The following TNXB variants were observed in gnomAD, a reference collection of about 807,000 sequenced individuals.
TNXB encodes tenascin XB.
TNXB carries 183 observed loss-of-function variants against 340.5 expected under a neutral mutation model. That is an observed-to-expected ratio of 0.54 (90% CI 0.48 to 0.61). TNXB has a LOEUF of 0.61. TNXB is among the 20% of genes least tolerant of loss of function. The pLI, the probability that TNXB is intolerant of heterozygous loss-of-function variation, is 0.00. For synonymous variants in TNXB, 2,121 were observed against 2,314.5 expected (o/e 0.92, Z 2.40); for missense variants, 4,613 against 5,446.4 (o/e 0.85, Z 4.82).
At chr6:32,065,682 C>T (rs111700384) in intron 18 of TNXB, among the ~76,000 whole-genome samples, 193 of 152,202 alleles carry the variant, frequency 1.3e-3, no homozygotes, top group African/African-American at 4.5e-3. Flanking sequence ...TGCAGTGGCG[C>T]GATCTTGGCT....
In TNXB at chr6:32,062,170, G is replaced by A. The variant is rs762069957; in HGVS notation, c.7155C>T (p.Ala2385=). Reference sequence around the variant, plus strand: ...TCGTCCACTCACCTGTCACCCCGATGGCAGACACGGGGCCCACACGCTGGC... The same window carrying A: ...TCGTCCACTCACCTGTCACCCCGATAGCAGACACGGGGCCCACACGCTGGC... The part of the protein sequence containing the change: ...HGGQRVGPVS[A]IGVTAAEEET... Residue 2385 remains alanine (A), a synonymous_variant, in exon 20 of 44, where the codon GCC becomes GCT. Transcript: ENST00000644971. The surrounding 1 kb of genome is among the most constrained non-coding windows in gnomAD (Gnocchi z 4.3). The A allele has an allele frequency of 1.9e-6, 3 of 1,610,802 alleles. No homozygotes were observed. Among genetic ancestry groups the A allele is most frequent in the East Asian group, 2.2e-5 (1 of 44,840 alleles).
chr6:32,103,975 C>T (rs1780853428), intron 1 of TNXB, among the ~76,000 whole-genome samples: 1 of 152,078 alleles, frequency 6.6e-6, no homozygotes, highest in Non-Finnish European at 1.5e-5. Context: ...AGGTGATCTG[C>T]CCACCTCGGC....
At position 32,074,475 on chromosome 6, in the gene TNXB, A is replaced by G. The variant is rs1396629191; in HGVS notation, c.4376-523T>C. ...GAGAAGAGTATCAACCATCACTGACACCCTGGGAGAGCGCTGAAATTCCAT... is the reference window on the plus strand; with the variant it reads ...GAGAAGAGTATCAACCATCACTGACGCCCTGGGAGAGCGCTGAAATTCCAT... On this transcript the variant is annotated intron_variant, in intron 11 of 43. Transcript: ENST00000644971. The surrounding 1 kb of genome is among the most constrained non-coding windows in gnomAD (Gnocchi z 5.5). 6.6e-6 allele frequency among the ~76,000 whole-genome samples: 1 copy of G among 151,982 alleles called. No homozygotes were observed. Among genetic ancestry groups the G allele is most frequent in the East Asian group, 1.9e-4 (1 of 5,180 alleles).
In TNXB at chr6:32,068,772, C is replaced by G; in HGVS notation, c.5902+50G>C. ...GGTATCCGCGGGACTCTGCTGTCCT[C>G]TGGACTCTCCCAGCCATCTGAAAGG... On this transcript the variant is annotated intron_variant, in intron 16 of 43. Transcript: ENST00000644971. The surrounding 1 kb of genome is among the most constrained non-coding windows in gnomAD (Gnocchi z 5.3). 1.3e-6 allele frequency: 2 copies of G among 1,593,332 alleles called. No individual in the cohort carries two copies. Among genetic ancestry groups the G allele is most frequent in the African/African-American group, 2.7e-5 (2 of 74,704 alleles).
At chr6:32,048,337 G>T (rs371046648) in intron 29 of TNXB, 26 bp downstream of exon 29, 4 of 1,472,760 alleles carry the variant, frequency 2.7e-6, no homozygotes, top group African/African-American at 1.4e-5. Flanking sequence ...GGCTCTGGCC[G>T]CGGGAGGCCT....
In TNXB at chr6:32,089,350, T is replaced by C. The variant is rs1779975555; in HGVS notation, c.2388A>G (p.Ala796=). ...AGGCTGAGGCAGAGCTTGGAACCCGTGCTGTGAATGGGGGGCTCGCCCCCT... is the reference window on the plus strand; with the variant it reads ...AGGCTGAGGCAGAGCTTGGAACCCGCGCTGTGAATGGGGGGCTCGCCCCCT... ...TTEGASPPFT[A]RVPSSASAYD... is the part of the protein sequence containing the mutation. Residue 796 remains alanine, a synonymous_variant, in exon 5 of 44, where the codon GCA becomes GCG. Transcript: ENST00000644971. This position sits in a 1 kb window ranked among gnomAD's most constrained non-coding sequence, Gnocchi z 6.2. 1.2e-6 allele frequency: 2 copies of C among 1,608,080 alleles called. No individual in the cohort carries two copies. Among genetic ancestry groups the C allele is most frequent in the African/African-American group, 2.7e-5 (2 of 74,994 alleles).
At position 32,081,483 on chromosome 6, in the gene TNXB, C is replaced by G; in HGVS notation, c.3927G>C (p.Gly1309=). The G allele has an allele frequency of 6.2e-7, 1 of 1,604,548 alleles. No homozygotes were observed. ...CGGGGACAGTAACCTCATTCTCATCCCCCGCAACAGGCACTGCCTGGGGCT... is the reference window on the plus strand; with the variant it reads ...CGGGGACAGTAACCTCATTCTCATCGCCCGCAACAGGCACTGCCTGGGGCT... ...QGQPQAVPVA[G]DENEVTVPGL... The change falls in exon 10 of 44, where the codon GGG becomes GGC. Residue 1309 remains glycine, a synonymous_variant. Transcript: ENST00000644971. The surrounding 1 kb of genome is among the most constrained non-coding windows in gnomAD (Gnocchi z 5.1).
Position 32,080,838 on chromosome 6 carries a change from G to T in TNXB, c.4042+530C>A, listed in dbSNP as rs973238129. 6.6e-6 allele frequency among the ~76,000 whole-genome samples: 1 copy of T among 152,182 alleles called. No individual in the cohort carries two copies. The highest frequency in any genetic ancestry group is 1.5e-5 in the Non-Finnish European group (1 of 68,032). ...AATCCCTTTGCCCTGTTCCAAGGGG[G>T]CTGGGAGTCAAGGAGTCGGGAGCTG... On this transcript the variant is annotated intron_variant, in intron 10 of 43. Coordinates refer to ENST00000644971, the MANE Select transcript of TNXB (RefSeq NM_001365276.2). The surrounding 1 kb of genome is among the most constrained non-coding windows in gnomAD (Gnocchi z 4.3).
chr6:32,050,306 G>A lies in TNXB; in HGVS notation c.9131C>T (p.Ala3044Val), dbSNP rs1777202556. 3 of 1,612,798 alleles carry A rather than the reference G, an allele frequency of 1.9e-6. No homozygotes were observed. Among genetic ancestry groups the A allele is most frequent in the Non-Finnish European group, 2.5e-6 (3 of 1,179,478 alleles). The change falls in exon 27 of 44, where the codon GCC becomes GTC. Residue 3044 changes from alanine (A) to valine (V), a missense_variant. Ala to Val is a moderately conservative substitution (Grantham distance 64, BLOSUM62 0). Transcript: ENST00000644971. ...AVGVTAPKDEAETTQAVPTMT... is the reference protein window; with the variant it reads ...AVGVTAPKDEVETTQAVPTMT... Reference sequence around the variant, plus strand: ...GGTAGGCACTGCTTGGGTGGTCTCGGCTTCATCCTTTGGAGCTGGACAGAC... The same window carrying A: ...GGTAGGCACTGCTTGGGTGGTCTCGACTTCATCCTTTGGAGCTGGACAGAC...
Position 32,046,048 on chromosome 6 carries a change from T to C in TNXB, c.10606+127A>G. The stretch of plus-strand genomic sequence containing the variant: ...CCACAGGGCTGCAGACTCCTCCTCC[T>C]TCCTGGGGACAGGCCAGGGCGCCCC... On this transcript the variant is annotated intron_variant, in intron 31 of 43. Coordinates refer to ENST00000644971, the MANE Select transcript of TNXB (RefSeq NM_001365276.2). This position sits in a 1 kb window ranked among gnomAD's most constrained non-coding sequence, Gnocchi z 6.9. The C allele has an allele frequency of 6.9e-7, 1 of 1,441,386 alleles. No individual in the cohort carries two copies. The highest frequency in any genetic ancestry group is 9.1e-7 in the Non-Finnish European group (1 of 1,101,882). 89.3% of individuals were successfully genotyped at this position (1,441,386 alleles called of 1,614,324 possible). A position where few individuals can be genotyped will look rare whatever the true frequency, so the allele number is the denominator to read the frequency against.
chr6:32,101,434 G>A (rs1288527678), intron 1 of TNXB, among the ~76,000 whole-genome samples: 9 of 151,860 alleles, frequency 5.9e-5, no homozygotes, highest in Non-Finnish European at 1.0e-4. Context: ...GACTACAGGC[G>A]CCCACCACCA....
Position 32,044,190 on chromosome 6 carries a change from C to A in TNXB, c.11264-61G>T, listed in dbSNP as rs1315813863. 1.4e-5 allele frequency: 19 copies of A among 1,357,884 alleles called. 3 individuals are homozygous for A. The highest frequency in any genetic ancestry group is 1.7e-5 in the African/African-American group (1 of 58,720). The allele number at this position is 1,357,884 out of a possible 1,614,324, so 84.1% of individuals were successfully genotyped here. A position where few individuals can be genotyped will look rare whatever the true frequency, so the allele number is the denominator to read the frequency against. On this transcript the variant is annotated intron_variant, in intron 33 of 43. Coordinates refer to ENST00000644971, the MANE Select transcript of TNXB (RefSeq NM_001365276.2). ...GGCAGGGAGGCTTCTCCCTACGAGTCCCCCCCTCGCCTCTGCTCCAGCACA... is the reference window on the plus strand; with the variant it reads ...GGCAGGGAGGCTTCTCCCTACGAGTACCCCCCTCGCCTCTGCTCCAGCACA...
chr6:32,065,110 T>A lies in TNXB; in HGVS notation c.6552A>T (p.Glu2184Asp). The change falls in exon 19 of 44, where the codon GAA (glutamate) becomes GAT (aspartate). Residue 2184 changes from glutamate (E) to aspartate (D), a missense_variant. This residue lies in a region of TNXB where 4,327 missense variants were observed against 4,859.4 expected (regional missense o/e 0.89). Transcript: ENST00000644971. Reference protein sequence around the residue: ...PVSAVGVTAPEEESPDAPLAK... With the variant: ...PVSAVGVTAPDEESPDAPLAK... ...CAAGAGGAGCATCAGGGGACTCCTC[T>A]TCGGGGGCTAGGAAGAGATAGAAAC... 1 of 1,572,196 alleles carries A rather than the reference T, an allele frequency of 6.4e-7. No homozygotes were observed. The highest frequency in any genetic ancestry group is 1.2e-5 in the South Asian group (1 of 85,922).
In TNXB at chr6:32,108,056, A is replaced by T. The variant is rs1781064998; in HGVS notation, c.-9+1125T>A. On this transcript the variant is annotated intron_variant, in intron 1 of 43. Coordinates refer to ENST00000644971, the MANE Select transcript of TNXB (RefSeq NM_001365276.2). The surrounding 1 kb of genome is among the most constrained non-coding windows in gnomAD (Gnocchi z 4.8). ...GCTGAAAATGGTTAGGGGTGCAATG[A>T]GAGACAGGAAGGCAGTTTCTGGTCC... Among the ~76,000 whole-genome samples the T allele has an allele frequency of 6.6e-6, 1 of 152,094 alleles. No individual in the cohort carries two copies. Among genetic ancestry groups the T allele is most frequent in the Admixed American group, 6.5e-5 (1 of 15,270 alleles).
At chr6:32,048,914 G>A (rs781568622) in intron 28 of TNXB, among the ~76,000 whole-genome samples, 9 of 152,190 alleles carry the variant, frequency 5.9e-5, no homozygotes, top group African/African-American at 1.4e-4. Flanking sequence ...CTGCAAAGTC[G>A]CACAATCACT....
In TNXB at chr6:32,073,926, C is replaced by T; in HGVS notation, c.4402G>A (p.Ala1468Thr). The T allele has an allele frequency of 6.2e-7, 1 of 1,601,536 alleles. No homozygotes were observed. Among genetic ancestry groups the T allele is most frequent in the Non-Finnish European group, 8.5e-7 (1 of 1,173,498 alleles). The change falls in exon 12 of 44, where the codon GCC (alanine) becomes ACC (threonine). Residue 1468 changes from alanine to threonine, a missense_variant. Coordinates refer to ENST00000644971, the MANE Select transcript of TNXB (RefSeq NM_001365276.2). The surrounding 1 kb of genome is among the most constrained non-coding windows in gnomAD (Gnocchi z 4.6). ...CGTGGCTCCAGCGGGGACTCAGTGGCTGGAGGGGTCTCTTCTTGTTGTGGG... is the reference window on the plus strand; with the variant it reads ...CGTGGCTCCAGCGGGGACTCAGTGGTTGGAGGGGTCTCTTCTTGTTGTGGG... Reference protein sequence around the residue: ...TAPQQEETPPATESPLEPRLG... With the variant: ...TAPQQEETPPTTESPLEPRLG...
chr6:32,052,892 G>A lies in TNXB; in HGVS notation c.8893C>T (p.Pro2965Ser). ...GTCCAGGAGAGGCTCAGCGAGTCAG[G>A]GGAGGATCCTGTCACTGTCAGCTCC... ...LGELTVTGSS[P>S]DSLSLSWTIP... The change falls in exon 26 of 44, where the codon CCT becomes TCT. Residue 2965 changes from proline to serine, a missense_variant. Around this residue, in one of 7 missense-constraint regions of TNXB, gnomAD observed 4,327 missense variants for 4,859.4 expected, o/e 0.89. Coordinates refer to ENST00000644971, the MANE Select transcript of TNXB (RefSeq NM_001365276.2). The surrounding 1 kb of genome is among the most constrained non-coding windows in gnomAD (Gnocchi z 4.7). The A allele has an allele frequency of 1.2e-6, 2 of 1,612,980 alleles. No individual in the cohort carries two copies. The highest frequency in any genetic ancestry group is 8.5e-7 in the Non-Finnish European group (1 of 1,179,864).
In TNXB at chr6:32,046,252, C is replaced by T; in HGVS notation, c.10529G>A (p.Gly3510Asp). 6.2e-7 allele frequency: 1 copy of T among 1,605,304 alleles called. No homozygotes were observed. The highest frequency in any genetic ancestry group is 8.5e-7 in the Non-Finnish European group (1 of 1,177,544). The part of the protein sequence containing the change: ...RTVTVEDLEP[G>D]KKYKFLLYGL... ...GTAGAGCAGAAACTTGTATTTCTTG[C>T]CAGGCTCCAGGTCCTCTACGGTGAC... The change falls in exon 31 of 44, where the codon GGC becomes GAC. Residue 3510 changes from glycine to aspartate, a missense_variant. This residue lies in a region of TNXB where 4,327 missense variants were observed against 4,859.4 expected (regional missense o/e 0.89). Coordinates refer to ENST00000644971, the MANE Select transcript of TNXB (RefSeq NM_001365276.2). This position sits in a 1 kb window ranked among gnomAD's most constrained non-coding sequence, Gnocchi z 6.9.
rs941519790 is a variant in TNXB at position 32,046,985 on chromosome 6, C to G, written c.10325-529G>C. ...TCCGTGCCTCCTGCTTCCCCAGCCC[C>G]ACACTGACCCCACTGGGCCGGGGCA... On this transcript the variant is annotated intron_variant, in intron 30 of 43. Transcript: ENST00000644971. The surrounding 1 kb of genome is among the most constrained non-coding windows in gnomAD (Gnocchi z 6.9). 2.0e-5 allele frequency among the ~76,000 whole-genome samples: 3 copies of G among 152,256 alleles called. No individual in the cohort carries two copies. Among genetic ancestry groups the G allele is most frequent in the Non-Finnish European group, 2.9e-5 (2 of 68,042 alleles).
Sources: allele counts gnomAD v4.1 joint callset (sites outside exome capture counted in the v4.1 genomes callset), GRCh38; gene constraint gnomAD v4.1.1; regional missense constraint gnomAD v4.1.1; non-coding constraint Gnocchi (gnomAD v3.1); transcripts MANE v1.5; gene names NCBI Gene and HGNC (gene_info 2026-07-23, HGNC 2026-07-21).